Variants in LAMA1 observed in about 807,000 individuals in gnomAD.
LAMA1 encodes laminin subunit alpha-1.
A neutral mutation model predicts 348.7 loss-of-function variants in LAMA1; 219 were observed. The ratio of observed to expected loss-of-function variants is 0.63; its 90% confidence interval spans 0.56 to 0.70. The LOEUF is 0.70. Among genes scored for constraint, LAMA1 ranks in the 30% least tolerant of loss-of-function variants. The pLI is 0.00. For missense variants in LAMA1, 3,744 were observed against 3,888.0 expected, an observed-to-expected ratio of 0.96 and a Z score of 0.99; for synonymous variants, 1,487 against 1,491.0, an observed-to-expected ratio of 1.00 and a Z score of 0.06.
chr18:6,947,792 C>T (rs1334646281), intron 60 of LAMA1, among the ~76,000 whole-genome samples: 2 of 152,106 alleles, frequency 1.3e-5, no homozygotes, highest in Middle Eastern at 3.4e-3. Flanking sequence ...ATAAAAAAGC[C>T]GAGGAGCCAC....
intron 51 of LAMA1, among the ~76,000 whole-genome samples, chr18:6,963,169 G>A (rs1033437010): frequency 3.9e-5 from 6 of 151,936 alleles, no homozygotes; most frequent in Non-Finnish European, 5.9e-5. Context: ...CCATGTAAAC[G>A]AGGAGGCTGG....
intron 16 of LAMA1, among the ~76,000 whole-genome samples, chr18:7,031,459 A>C (rs1467868965): frequency 6.6e-6 from 1 of 152,210 alleles, no homozygotes; most frequent in Non-Finnish European, 1.5e-5. Flanking sequence ...CCAACTAACT[A>C]TAAAGCATGG....
At chr18:7,025,835 T>A in intron 17 of LAMA1, 144 bp downstream of exon 17, 3 of 1,203,512 alleles carry the variant, frequency 2.5e-6, no homozygotes, top group Non-Finnish European at 3.6e-6. Context: ...AACCCACCCC[T>A]CTGTCTTTAA....
chr18:7,054,771 A>C (rs1440995734), intron 3 of LAMA1, among the ~76,000 whole-genome samples: 1 of 152,124 alleles, frequency 6.6e-6, no homozygotes, highest in Non-Finnish European at 1.5e-5. Context: ...AGCCTACTCA[A>C]TGTGAAGATG....
intron 1 of LAMA1, among the ~76,000 whole-genome samples, chr18:7,115,814 C>CAAAAAAAAAAA (rs557585224): frequency 1.9e-4 from 18 of 94,808 alleles, no homozygotes; most frequent in African/African-American, 4.2e-4. Flanking sequence ...ACTAAAAATA[C>CAAAAAAAAAAA]AAAAAAAAAA....
In LAMA1 at chr18:6,984,532, C is replaced by T. The variant is rs151117468; in HGVS notation, c.5660+705G>A. Among the ~76,000 whole-genome samples the T allele has an allele frequency of 3.9e-3, 587 of 152,238 alleles. 4 individuals are homozygous for T. The highest frequency in any genetic ancestry group is 0.013 in the African/African-American group (543 of 41,530). ...CCTACACCCCAGACCCATTAAGTCACAATCTTTGGGGGGAAGGCAGCTAAA... is the reference window on the plus strand; with the variant it reads ...CCTACACCCCAGACCCATTAAGTCATAATCTTTGGGGGGAAGGCAGCTAAA... On this transcript the variant is annotated intron_variant, in intron 39 of 62. Transcript: ENST00000389658.
intron 23 of LAMA1, 47 bp from the exon 24 acceptor site, chr18:7,012,185 G>A (rs749422410): frequency 1.3e-6 from 2 of 1,592,494 alleles, no homozygotes; most frequent in East Asian, 2.2e-5. Context: ...AAAAAGAGAT[G>A]TGATTTCTGA....
chr18:7,055,933 A>G (rs2143736556), intron 3 of LAMA1, among the ~76,000 whole-genome samples: 1 of 151,996 alleles, frequency 6.6e-6, no homozygotes, highest in Non-Finnish European at 1.5e-5. Context: ...ACAAAAAATT[A>G]GCTGGGCGTG....
intron 9 of LAMA1, among the ~76,000 whole-genome samples, chr18:7,041,241 T>C (rs1268326547): frequency 6.6e-6 from 1 of 152,134 alleles, no homozygotes; most frequent in African/African-American, 2.4e-5. Context: ...CTTCAGGCAG[T>C]TAACCTTCTT....
intron 1 of LAMA1, among the ~76,000 whole-genome samples, chr18:7,107,576 G>A (rs976968873): frequency 6.6e-6 from 1 of 152,122 alleles, no homozygotes; most frequent in Non-Finnish European, 1.5e-5. Context: ...CCCAGGGCCT[G>A]GAGGAGTGGA....
At position 7,007,159 on chromosome 18, in the gene LAMA1, G is replaced by A. The variant is rs1205987067; in HGVS notation, c.4240C>T (p.Pro1414Ser). The change falls in exon 29 of 63, where the codon CCC becomes TCC. Residue 1414 changes from proline (P) to serine (S), a missense_variant. By Grantham distance (74) the Pro-to-Ser change is moderately conservative (BLOSUM62 -1). This residue lies in a region of LAMA1 where 1,983 missense variants were observed against 1,934.3 expected (regional missense o/e 1.03). Transcript: ENST00000389658. ...SCNNHSDTCD[P>S]NTGKCLNCGD... ...CATACCAGACACTTCCCGGTGTTGG[G>A]GTCACAGGTGTCACTGTGGTTGTTG... The A allele has an allele frequency of 1.9e-6, 3 of 1,613,990 alleles. No individual in the cohort carries two copies. Among genetic ancestry groups the A allele is most frequent in the South Asian group, 2.2e-5 (2 of 91,058 alleles).
intron 3 of LAMA1, among the ~76,000 whole-genome samples, chr18:7,077,856 G>A (rs1320703728): frequency 1.3e-5 from 2 of 151,662 alleles, no homozygotes; most frequent in Non-Finnish European, 2.9e-5. Flanking sequence ...TTGGCTGGAC[G>A]TGGTGCTCAT....
intron 6 of LAMA1, among the ~76,000 whole-genome samples, chr18:7,045,777 T>C (rs1441840009): frequency 1.3e-5 from 2 of 152,014 alleles, no homozygotes; most frequent in Admixed American, 6.6e-5. Flanking sequence ...CAGACTGGTC[T>C]CAAATTCCTA....
At chr18:7,058,404 C>T (rs1456968817) in intron 3 of LAMA1, among the ~76,000 whole-genome samples, 1 of 152,138 alleles carries the variant, frequency 6.6e-6, no homozygotes, top group South Asian at 2.1e-4. Flanking sequence ...GCAAAGGGTG[C>T]TATGAAGAAC....
intron 6 of LAMA1, among the ~76,000 whole-genome samples, chr18:7,045,609 A>G (rs1291096938): frequency 6.6e-6 from 1 of 152,062 alleles, no homozygotes; most frequent in African/African-American, 2.4e-5. Flanking sequence ...CCCAGGCTGG[A>G]GTGCAGCAGC....
chr18:6,992,480 G>A lies in LAMA1; in HGVS notation c.5168+81C>T, dbSNP rs918259729. The A allele has an allele frequency of 1.4e-5, 21 of 1,486,718 alleles. No individual in the cohort carries two copies. The African/African-American group carries it at 1.8e-4, about 13-fold the overall frequency. 92.1% of individuals were successfully genotyped at this position (1,486,718 alleles called of 1,614,324 possible). ...TTTCCAGTGAGCACTTTTCTTCCAC[G>A]ATGCCTCCTTCTCCTTTGGAGATAG... On this transcript the variant is annotated intron_variant, in intron 36 of 62. Transcript: ENST00000389658.
At chr18:7,095,582 T>A (rs1223270474) in intron 1 of LAMA1, among the ~76,000 whole-genome samples, 1 of 152,190 alleles carries the variant, frequency 6.6e-6, no homozygotes, top group South Asian at 2.1e-4. Context: ...GAGTGCCAGC[T>A]CTCTTTCAGC....
At chr18:7,062,525 C>T (rs193128224) in intron 3 of LAMA1, among the ~76,000 whole-genome samples, 33 of 152,228 alleles carry the variant, frequency 2.2e-4, no homozygotes, top group African/African-American at 6.0e-4. Context: ...ACAGGGTCAC[C>T]GGAGCTGAAG....
In LAMA1 at chr18:6,948,461, C is replaced by G. The variant is rs2143969677; in HGVS notation, c.8652G>C (p.Arg2884Ser). The change falls in exon 60 of 63, where the codon AGG (arginine) becomes AGC (serine). Residue 2884 changes from arginine to serine, a missense_variant. This residue lies in a region of LAMA1 where 232 missense variants were observed against 264.4 expected (regional missense o/e 0.88). Transcript: ENST00000389658. ...TTCCTTCCTGGGCCACTGCGTAGCA[C>G]CTGTTCACCGTGAAGGCAGACACCG... ...DSPVSAFTVN[R>S]CYAVAQEGTY... The G allele has an allele frequency of 6.2e-7, 1 of 1,614,194 alleles. No individual in the cohort carries two copies. The highest frequency in any genetic ancestry group is 8.5e-7 in the Non-Finnish European group (1 of 1,180,040).
Sources: gnomAD v4.1 joint callset for allele counts (sites outside exome capture counted in the v4.1 genomes callset) on GRCh38, gnomAD v4.1.1 for gene constraint, gnomAD v4.1.1 regional missense constraint, MANE v1.5 for transcripts, NCBI Gene and HGNC (gene_info 2026-07-23, HGNC 2026-07-21) for gene names.